Variants in AGBL4 observed in about 807,000 individuals in gnomAD.
The protein encoded by AGBL4 is cytosolic carboxypeptidase 6.
AGBL4 carries 58 observed loss-of-function variants against 66.4 expected under a neutral mutation model. The observed-to-expected ratio is 0.87, with a 90% CI of 0.71 to 1.09. AGBL4 has a LOEUF of 1.09. Ranked by LOEUF, AGBL4 falls within the 50% of genes least tolerant of loss-of-function variation. The pLI is 0.00. For synonymous variants in AGBL4, 234 were observed against 222.9 expected (o/e 1.05, Z -0.44); for missense variants, 579 against 631.0 (o/e 0.92, Z 0.88).
At chr1:49,857,834 C>G (rs1301204526) in intron 1 of AGBL4, among the ~76,000 whole-genome samples, 2 of 151,970 alleles carry the variant, frequency 1.3e-5, no homozygotes, top group African/African-American at 4.8e-5. Flanking sequence ...ACATCAAAAG[C>G]ACAGGCAACA....
intron 3 of AGBL4, among the ~76,000 whole-genome samples, chr1:49,652,885 T>A (rs2124454576): frequency 6.6e-6 from 1 of 152,172 alleles, no homozygotes; most frequent in East Asian, 1.9e-4. Flanking sequence ...GTCTTAGTCT[T>A]TTCTAACTGC....
intron 5 of AGBL4, among the ~76,000 whole-genome samples, chr1:48,980,465 T>C (rs1239154200): frequency 1.3e-5 from 2 of 151,964 alleles, no homozygotes; most frequent in African/African-American, 4.8e-5. Context: ...CCTAGAATCA[T>C]AGAGTTATAG....
At chr1:49,659,728 A>G (rs1268214029) in intron 3 of AGBL4, among the ~76,000 whole-genome samples, 2 of 152,172 alleles carry the variant, frequency 1.3e-5, no homozygotes, top group African/African-American at 2.4e-5. Context: ...AAAATTAACA[A>G]AGACATTCAA....
chr1:49,863,237 T>A (rs1342754568), intron 1 of AGBL4, among the ~76,000 whole-genome samples: 2 of 152,142 alleles, frequency 1.3e-5, no homozygotes, highest in Non-Finnish European at 2.9e-5. Flanking sequence ...GATATCCATA[T>A]GGAAAATGAA....
intron 5 of AGBL4, among the ~76,000 whole-genome samples, chr1:48,935,994 A>AAAAAG (rs1557478408): frequency 7.3e-6 from 1 of 137,030 alleles, no homozygotes. Flanking sequence ...AAAAAAAAAA[A>AAAAAG]AGATACAAGA....
At chr1:49,785,115 T>C (rs868527114) in intron 2 of AGBL4, among the ~76,000 whole-genome samples, 3 of 152,180 alleles carry the variant, frequency 2.0e-5, no homozygotes, top group Middle Eastern at 3.4e-3. Context: ...TAGGTGACTC[T>C]AAAAGACTAG....
At chr1:48,826,631 T>G (rs1375490084) in intron 6 of AGBL4, among the ~76,000 whole-genome samples, 3 of 152,240 alleles carry the variant, frequency 2.0e-5, no homozygotes, top group Non-Finnish European at 4.4e-5. Context: ...GCTGGAAAGT[T>G]AGAGGTTACA....
At chr1:50,023,637 T>A in intron 1 of AGBL4, 126 bp downstream of exon 1, 2 of 1,216,092 alleles carry the variant, frequency 1.6e-6, no homozygotes, top group Non-Finnish European at 1.1e-6. Context: ...CCTGAAGTCA[T>A]AACCCACCGC....
At chr1:48,734,590 C>T (rs1311432362) in intron 6 of AGBL4, among the ~76,000 whole-genome samples, 2 of 152,224 alleles carry the variant, frequency 1.3e-5, no homozygotes, top group Non-Finnish European at 2.9e-5. Flanking sequence ...TTCTACATCC[C>T]AGCCATCTGG....
At chr1:48,602,150 C>T (rs1355106566) in intron 9 of AGBL4, among the ~76,000 whole-genome samples, 1 of 152,062 alleles carries the variant, frequency 6.6e-6, no homozygotes, top group East Asian at 1.9e-4. Flanking sequence ...CTAGCTGGCT[C>T]ATAGAGGTAA....
chr1:49,982,282 G>A (rs1313142130), intron 1 of AGBL4, among the ~76,000 whole-genome samples: 1 of 152,228 alleles, frequency 6.6e-6, no homozygotes, highest in Non-Finnish European at 1.5e-5. Flanking sequence ...GAGCTGGCAG[G>A]AGCCAAGGAC....
intron 3 of AGBL4, among the ~76,000 whole-genome samples, chr1:49,373,658 T>C (rs373631276): frequency 1.3e-5 from 2 of 152,070 alleles, no homozygotes; most frequent in Admixed American, 1.3e-4. Context: ...GAGAAAAAAA[T>C]TGAGATTTGG....
At chr1:48,598,803 G>T (rs922068590) in intron 9 of AGBL4, among the ~76,000 whole-genome samples, 2 of 151,910 alleles carry the variant, frequency 1.3e-5, no homozygotes, top group African/African-American at 4.8e-5. Context: ...AAACATTTTA[G>T]TTCTTCAATA....
intron 5 of AGBL4, among the ~76,000 whole-genome samples, chr1:48,946,286 C>T (rs1176101723): frequency 6.6e-6 from 1 of 152,196 alleles, no homozygotes; most frequent in East Asian, 1.9e-4. Flanking sequence ...AGGGGCTGCC[C>T]TATGACCCAT....
Position 49,293,462 on chromosome 1 carries a change from T to A in AGBL4, c.283-47598A>T, listed in dbSNP as rs975862597. On this transcript the variant is annotated intron_variant, in intron 3 of 13. Coordinates refer to ENST00000371839, the MANE Select transcript of AGBL4 (RefSeq NM_032785.4). ...CAACCCAAGGATCCTATAACACTAT[T>A]TATTTGTAAAAATTCATTGAGTTAT... 5.9e-5 allele frequency among the ~76,000 whole-genome samples: 9 copies of A among 152,332 alleles called. No homozygotes were observed. In the South Asian group the frequency reaches 1.9e-3, roughly 32 times the overall value.
intron 2 of AGBL4, among the ~76,000 whole-genome samples, chr1:49,719,736 C>T (rs1328549202): frequency 6.6e-6 from 1 of 152,086 alleles, no homozygotes; most frequent in African/African-American, 2.4e-5. Context: ...ATAATTCCCA[C>T]ATGCTATGGG....
At chr1:48,711,906 C>A (rs1034505870) in intron 6 of AGBL4, among the ~76,000 whole-genome samples, 2 of 152,212 alleles carry the variant, frequency 1.3e-5, no homozygotes, top group Admixed American at 1.3e-4. Flanking sequence ...AAAATGCAAA[C>A]TGGAGTACAT....
At chr1:49,346,728 T>G (rs1645639682) in intron 3 of AGBL4, among the ~76,000 whole-genome samples, 1 of 152,200 alleles carries the variant, frequency 6.6e-6, no homozygotes, top group African/African-American at 2.4e-5. Flanking sequence ...CTACTTCGCC[T>G]GAAGAACTTA....
At chr1:49,397,804 T>C (rs1353151620) in intron 3 of AGBL4, among the ~76,000 whole-genome samples, 1 of 152,096 alleles carries the variant, frequency 6.6e-6, no homozygotes, top group Non-Finnish European at 1.5e-5. Flanking sequence ...ATTTCGTTCA[T>C]CCATTTATCT....
Sources: gnomAD v4.1 joint callset for allele counts (sites outside exome capture counted in the v4.1 genomes callset) on GRCh38, gnomAD v4.1.1 for gene constraint, MANE v1.5 for transcripts, NCBI Gene and HGNC (gene_info 2026-07-23, HGNC 2026-07-21) for gene names.